The following RASSF8 variants were observed in gnomAD, a reference collection of about 807,000 sequenced individuals.
The protein encoded by RASSF8 is Ras association domain family member 8, also known as ras association domain-containing protein 8.
A neutral mutation model predicts 48.5 loss-of-function variants in RASSF8; 22 were observed. The observed-to-expected ratio is 0.45, with a 90% confidence interval of 0.32 to 0.65. The LOEUF is 0.65. Ranked by LOEUF, RASSF8 falls within the 30% of genes least tolerant of loss-of-function variation. The probability of loss-of-function intolerance (pLI) is 0.03; values close to 1 mark genes in which losing one functional copy is unlikely to be tolerated. For synonymous variants in RASSF8, 127 were observed against 171.5 expected (o/e 0.74, Z 2.03); for missense variants, 418 against 489.2 (o/e 0.85, Z 1.37).
At chr12:26,043,745 GAA>G (rs1304399583) in intron 2 of RASSF8, among the ~76,000 whole-genome samples, 4 of 152,200 alleles carry the variant, frequency 2.6e-5, no homozygotes, top group Non-Finnish European at 4.4e-5. Context: ...ACTGCAGAGA[GAA>G]AGAATGGACG....
rs1259384528 is a variant in RASSF8, at chr12:26,065,298, A to G, written c.904A>G (p.Ile302Val). The change falls in exon 4 of 6, where the codon ATT becomes GTT. Residue 302 changes from isoleucine (I) to valine (V), a missense_variant. Physicochemically the swap from Ile to Val is conservative, Grantham distance 29. Coordinates refer to ENST00000689635, the MANE Select transcript of RASSF8 (RefSeq NM_001394098.1). ...KGKIGKVKGE[I>V]DIQGQQSLRL... ...AAAGATCGGTAAGGTCAAAGGGGAG[A>G]TTGACATTCAAGGCCAGCAGAGTCT... 2 of 1,613,956 alleles carry G rather than the reference A, an allele frequency of 1.2e-6. No individual in the cohort carries two copies. The highest frequency in any genetic ancestry group is 1.3e-5 in the African/African-American group (1 of 74,902).
intron 2 of RASSF8, among the ~76,000 whole-genome samples, chr12:26,014,018 A>G (rs1186242719): frequency 6.6e-6 from 1 of 152,148 alleles, no homozygotes; most frequent in African/African-American, 2.4e-5. Flanking sequence ...TATTGGTTTG[A>G]GGAATATGAG....
intron 1 of RASSF8, among the ~76,000 whole-genome samples, chr12:25,991,371 T>C (rs1393883862): frequency 6.6e-6 from 1 of 152,234 alleles, no homozygotes; most frequent in African/African-American, 2.4e-5. Flanking sequence ...AAATTACTTA[T>C]TACTGCATAA....
chr12:25,982,029 G>A (rs1797943), intron 1 of RASSF8, among the ~76,000 whole-genome samples: 110,828 of 152,082 alleles, frequency 0.73, 40,443 homozygotes, highest in South Asian at 0.77. Flanking sequence ...TCAGACAAAC[G>A]TTTTTGGGGT....
At chr12:26,048,410 G>A (rs1281479849) in intron 2 of RASSF8, among the ~76,000 whole-genome samples, 1 of 152,104 alleles carries the variant, frequency 6.6e-6, no homozygotes, top group Admixed American at 6.5e-5. Flanking sequence ...TGGTAGAGAG[G>A]AGGGGGAAAA....
intron 1 of RASSF8, among the ~76,000 whole-genome samples, chr12:25,963,565 A>G (rs1286419928): frequency 6.6e-6 from 1 of 152,028 alleles, no homozygotes; most frequent in Non-Finnish European, 1.5e-5. Context: ...ACACCCTTAG[A>G]GTGTAGTTCT....
intron 2 of RASSF8, among the ~76,000 whole-genome samples, chr12:26,022,185 C>G (rs1942801999): frequency 6.6e-6 from 1 of 152,088 alleles, no homozygotes; most frequent in Non-Finnish European, 1.5e-5. Flanking sequence ...GAGCGGGATA[C>G]CAGATGAGGC....
At position 26,024,465 on chromosome 12, in the gene RASSF8, C is replaced by T. The variant is rs1046013463; in HGVS notation, c.-109+29335C>T. The stretch of plus-strand genomic sequence containing the variant: ...AGGATAGAACATGTCTCAGCTCATT[C>T]TGCGAGGCCAGAATTACCCTGATAC... On this transcript the variant is annotated intron_variant, in intron 2 of 5. Transcript: ENST00000689635. 6.6e-5 allele frequency among the ~76,000 whole-genome samples: 10 copies of T among 152,312 alleles called. No homozygotes were observed. In the East Asian group the frequency reaches 7.7e-4, roughly 12 times the overall value.
At chr12:26,067,811 C>A in intron 5 of RASSF8, 98 bp downstream of exon 5, 1 of 1,484,840 alleles carries the variant, frequency 6.7e-7, no homozygotes, top group Non-Finnish European at 9.2e-7. Flanking sequence ...ATCGCCCAGG[C>A]TGGAATGCCA....
chr12:26,002,382 G>A (rs1282875385), intron 2 of RASSF8, among the ~76,000 whole-genome samples: 4 of 152,168 alleles, frequency 2.6e-5, no homozygotes, highest in African/African-American at 4.8e-5. Context: ...GCAGTGAGCC[G>A]AGATTGCGTC....
downstream of RASSF8, among the ~76,000 whole-genome samples, chr12:26,076,277 ATACTT>A (rs201968470): frequency 9.8e-3 from 1,471 of 149,452 alleles, 21 homozygotes; most frequent in African/African-American, 0.03. Flanking sequence ...TTTTTTAATT[ATACTT>A]TACTTTAAGT....
rs527399498 is a variant in RASSF8, at chr12:26,000,536, A to T, written c.-109+5406A>T. On this transcript the variant is annotated intron_variant, in intron 2 of 5. Coordinates refer to ENST00000689635, the MANE Select transcript of RASSF8 (RefSeq NM_001394098.1). Reference sequence around the variant, plus strand: ...ATAATTACATTGGTAATATACAGTCATCTGTCACTTAACGGGAATACACAT... The same window carrying T: ...ATAATTACATTGGTAATATACAGTCTTCTGTCACTTAACGGGAATACACAT... 3.2e-4 allele frequency among the ~76,000 whole-genome samples: 49 copies of T among 152,282 alleles called. No individual in the cohort carries two copies. The South Asian group carries it at 9.9e-3, about 31-fold the overall frequency.
At chr12:25,969,840 CA>C (rs1331036545) in intron 1 of RASSF8, among the ~76,000 whole-genome samples, 3 of 152,012 alleles carry the variant, frequency 2.0e-5, no homozygotes, top group Non-Finnish European at 4.4e-5. Context: ...GGGGCTGGGC[CA>C]GGGGTACTCA....
chr12:26,047,795 C>T (rs1943403465), intron 2 of RASSF8, among the ~76,000 whole-genome samples: 1 of 152,192 alleles, frequency 6.6e-6, no homozygotes, highest in South Asian at 2.1e-4. Context: ...AGATTGTAGG[C>T]ATGGCTTCAA....
At chr12:25,967,670 T>C (rs1941390064) in intron 1 of RASSF8, among the ~76,000 whole-genome samples, 1 of 152,234 alleles carries the variant, frequency 6.6e-6, no homozygotes, top group East Asian at 1.9e-4. Flanking sequence ...GAGATGTTTA[T>C]GTATGTCCAC....
intron 2 of RASSF8, among the ~76,000 whole-genome samples, chr12:26,031,923 C>T (rs1943038494): frequency 6.6e-6 from 1 of 152,078 alleles, no homozygotes; most frequent in Non-Finnish European, 1.5e-5. Context: ...TCAAAATATC[C>T]TGTTTCTCAT....
chr12:26,072,980 T>G (rs911644084), downstream of RASSF8: 6 of 306,990 alleles, frequency 2.0e-5, no homozygotes, highest in Admixed American at 6.5e-5. Flanking sequence ...ATAATTACAT[T>G]TTTCATATAT....
At chr12:25,966,074 G>C (rs1366133741) in intron 1 of RASSF8, among the ~76,000 whole-genome samples, 4 of 152,128 alleles carry the variant, frequency 2.6e-5, no homozygotes, top group Non-Finnish European at 5.9e-5. Flanking sequence ...TGGATCTTAT[G>C]GTAGGTGTAT....
At chr12:26,029,302 G>A (rs1038681649) in intron 2 of RASSF8, among the ~76,000 whole-genome samples, 6 of 152,200 alleles carry the variant, frequency 3.9e-5, no homozygotes, top group Non-Finnish European at 8.8e-5. Context: ...GGGGAAAGAA[G>A]AACATTGACA....
Sources: allele counts gnomAD v4.1 joint callset (sites outside exome capture counted in the v4.1 genomes callset), GRCh38; gene constraint gnomAD v4.1.1; transcripts MANE v1.5; gene names NCBI Gene and HGNC (gene_info 2026-07-23, HGNC 2026-07-21).